The following PTPN9 variants were observed in gnomAD, a reference collection of about 807,000 sequenced individuals.
PTPN9 encodes tyrosine-protein phosphatase non-receptor type 9.
PTPN9 carries 26 observed loss-of-function variants against 69.8 expected under a neutral mutation model. The observed-to-expected ratio is 0.37, with a 90% confidence interval of 0.27 to 0.52. The LOEUF (loss-of-function observed/expected upper bound fraction) is 0.52, where lower values mean the gene tolerates loss of function less well. PTPN9 is among the 20% of genes least tolerant of loss of function. The pLI is 0.91. For synonymous variants in PTPN9, 274 were observed against 272.5 expected (o/e 1.01, Z -0.05); for missense variants, 549 against 740.3 (o/e 0.74, Z 3.00).
chr15:75,486,965 T>G (rs1350726655), intron 8 of PTPN9, among the ~76,000 whole-genome samples: 1 of 152,070 alleles, frequency 6.6e-6, no homozygotes, highest in East Asian at 1.9e-4. Context: ...TTTGTATTTT[T>G]TAGTAGAGAC....
chr15:75,565,620 C>G lies in PTPN9; in HGVS notation c.63+13094G>C, dbSNP rs1281061400. Among the ~76,000 whole-genome samples, 5 of 152,052 alleles carry G rather than the reference C, an allele frequency of 3.3e-5. No homozygotes were observed. The East Asian group carries it at 9.6e-4, about 29-fold the overall frequency. On this transcript the variant is annotated intron_variant, in intron 1 of 12. Transcript: ENST00000618819. Reference sequence around the variant, plus strand: ...GGGGAGGATCATACTGATAGGGAACCAGAGATAAACAATGGAATGATAATT... The same window carrying G: ...GGGGAGGATCATACTGATAGGGAACGAGAGATAAACAATGGAATGATAATT...
chr15:75,503,575 C>A (rs1468297110), intron 7 of PTPN9, among the ~76,000 whole-genome samples: 1 of 104,516 alleles, frequency 9.6e-6, no homozygotes. Context: ...CGGCCAGCCG[C>A]TCCGTCCGGG....
intron 9 of PTPN9, among the ~76,000 whole-genome samples, chr15:75,479,090 C>T (rs984069611): frequency 3.0e-4 from 46 of 152,132 alleles, no homozygotes; most frequent in Non-Finnish European, 2.9e-5. Context: ...GGGCAGATCA[C>T]GAGGTCAGGA....
At chr15:75,498,921 G>A (rs747285830) in intron 7 of PTPN9, among the ~76,000 whole-genome samples, 4 of 152,102 alleles carry the variant, frequency 2.6e-5, no homozygotes, top group Non-Finnish European at 1.5e-5. Flanking sequence ...TAAAACTGGG[G>A]AAGTCTAAAT....
At chr15:75,575,689 G>T (rs1257707899) in intron 1 of PTPN9, among the ~76,000 whole-genome samples, 1 of 152,088 alleles carries the variant, frequency 6.6e-6, no homozygotes, top group Non-Finnish European at 1.5e-5. Context: ...GGAGGCCAAG[G>T]CGGGTGGATC....
intron 1 of PTPN9, among the ~76,000 whole-genome samples, chr15:75,538,618 G>C (rs960621996): frequency 5.9e-5 from 9 of 152,012 alleles, no homozygotes; most frequent in African/African-American, 2.2e-4. Context: ...GGAGGCAGAG[G>C]CTGCAGTGAG....
intron 1 of PTPN9, among the ~76,000 whole-genome samples, chr15:75,537,300 C>T (rs1184137485): frequency 2.2e-5 from 3 of 136,470 alleles, no homozygotes; most frequent in African/African-American, 2.8e-5. Flanking sequence ...TGCAGTGAGC[C>T]GAGATCATGC....
intron 7 of PTPN9, among the ~76,000 whole-genome samples, chr15:75,503,692 T>A (rs1204163613): frequency 8.9e-4 from 75 of 84,280 alleles, no homozygotes; most frequent in East Asian, 2.6e-3. Flanking sequence ...CCCCTCTGCC[T>A]GGCCAGCCAC....
At position 75,491,232 on chromosome 15, in the gene PTPN9, G is replaced by T. The variant is rs2141300067; in HGVS notation, c.969-931C>A. ...AGACTGGCCAAGATGATAAAACCCT[G>T]CCTTTACTAAAAATACAAAAATTAG... On this transcript the variant is annotated intron_variant, in intron 7 of 12. Transcript: ENST00000618819. Among the ~76,000 whole-genome samples, 2 of 151,760 alleles carry T rather than the reference G, an allele frequency of 1.3e-5. 1 individual carries two copies. Among genetic ancestry groups the T allele is most frequent in the Middle Eastern group, 6.8e-3 (2 of 294 alleles).
chr15:75,572,784 A>C (rs1244841442), intron 1 of PTPN9, among the ~76,000 whole-genome samples: 1 of 152,212 alleles, frequency 6.6e-6, no homozygotes, highest in Non-Finnish European at 1.5e-5. Flanking sequence ...AGAAGATATA[A>C]AGAAAATAAA....
intron 1 of PTPN9, among the ~76,000 whole-genome samples, chr15:75,557,754 A>C (rs2075083841): frequency 6.6e-6 from 1 of 152,210 alleles, no homozygotes; most frequent in Non-Finnish European, 1.5e-5. Context: ...CACTGTAAAG[A>C]TAGCATGACA....
intron 7 of PTPN9, among the ~76,000 whole-genome samples, chr15:75,503,004 C>T (rs2074782283): frequency 6.6e-6 from 1 of 152,280 alleles, no homozygotes; most frequent in South Asian, 2.1e-4. Context: ...ATCTCCCAGC[C>T]GCCTGCCTTG....
intron 1 of PTPN9, among the ~76,000 whole-genome samples, chr15:75,534,243 C>T (rs895474236): frequency 5.3e-5 from 8 of 152,170 alleles, no homozygotes; most frequent in African/African-American, 1.9e-4. Flanking sequence ...TTTCTTTACT[C>T]TGGTCATTTC....
intron 8 of PTPN9, among the ~76,000 whole-genome samples, chr15:75,482,351 G>A (rs1241902246): frequency 1.3e-5 from 2 of 152,136 alleles, no homozygotes; most frequent in Non-Finnish European, 2.9e-5. Flanking sequence ...GGATGACGAG[G>A]TCAGGAGATC....
At chr15:75,506,407 G>A (rs1342124835) in intron 6 of PTPN9, among the ~76,000 whole-genome samples, 20 of 152,150 alleles carry the variant, frequency 1.3e-4, no homozygotes, top group Admixed American at 1.2e-3. Context: ...CCAATTCTAA[G>A]GCCTGTTAGC....
chr15:75,569,407 A>C, intron 1 of PTPN9, among the ~76,000 whole-genome samples: 1 of 152,086 alleles, frequency 6.6e-6, no homozygotes, highest in Admixed American at 6.6e-5. Context: ...TACCTCTTTA[A>C]AACAGTTTAG....
intron 5 of PTPN9, among the ~76,000 whole-genome samples, chr15:75,509,944 A>C (rs2074837891): frequency 6.6e-6 from 1 of 152,236 alleles, no homozygotes; most frequent in African/African-American, 2.4e-5. Flanking sequence ...AGATCGCACC[A>C]CTGCACTCCA....
intron 1 of PTPN9, among the ~76,000 whole-genome samples, chr15:75,542,560 A>C (rs1355139251): frequency 6.6e-6 from 1 of 152,216 alleles, no homozygotes; most frequent in Non-Finnish European, 1.5e-5. Flanking sequence ...GCTTCAGGCA[A>C]CACTGAGGGG....
At chr15:75,569,713 C>T (rs2075140805) in intron 1 of PTPN9, among the ~76,000 whole-genome samples, 1 of 151,376 alleles carries the variant, frequency 6.6e-6, no homozygotes, top group African/African-American at 2.4e-5. Flanking sequence ...CAGTTCAGCT[C>T]CTTTCTAAAG....
Sources: gnomAD v4.1 joint callset for allele counts (sites outside exome capture counted in the v4.1 genomes callset) on GRCh38, gnomAD v4.1.1 for gene constraint, MANE v1.5 for transcripts, NCBI Gene and HGNC (gene_info 2026-07-23, HGNC 2026-07-21) for gene names.